OSTM1: variants seen among roughly 807,000 people sequenced by gnomAD.
The protein encoded by OSTM1 is osteoclastogenesis associated transmembrane protein 1.
Under a neutral mutation model 35.4 loss-of-function variants are expected in OSTM1, and 26 were observed. The ratio of observed to expected loss-of-function variants is 0.73; its 90% CI spans 0.54 to 1.02. The LOEUF (loss-of-function observed/expected upper bound fraction) is 1.02. Ranked by LOEUF, OSTM1 falls within the 50% of genes least tolerant of loss-of-function variation. The pLI is 0.00. For synonymous variants in OSTM1, 181 were observed against 165.0 expected (o/e 1.10, Z -0.75); for missense variants, 366 against 409.6 (o/e 0.89, Z 0.92).
At chr6:108,071,519 G>A (rs1772484954) in intron 1 of OSTM1, among the ~76,000 whole-genome samples, 1 of 142,836 alleles carries the variant, frequency 7.0e-6, no homozygotes, top group African/African-American at 2.7e-5. Context: ...CACCATGTTG[G>A]CCAGGCTGGT....
At chr6:108,062,535 C>CT (rs780041339) in intron 2 of OSTM1, among the ~76,000 whole-genome samples, 30,011 of 131,094 alleles carry the variant, frequency 0.23, 3,436 homozygotes, top group Admixed American at 0.39. Context: ...CTTTTCTTTT[C>CT]TTTTTTTTTT....
chr6:108,063,713 T>G (rs986334752), intron 2 of OSTM1, among the ~76,000 whole-genome samples: 2 of 152,224 alleles, frequency 1.3e-5, no homozygotes, highest in Non-Finnish European at 2.9e-5. Flanking sequence ...GACAGATTAC[T>G]GTAAACATCA....
At chr6:108,054,664 C>T in intron 2 of OSTM1, 77 bp from the exon 3 acceptor site, 1 of 710,410 alleles carries the variant, frequency 1.4e-6, no homozygotes. Flanking sequence ...CTTAAGCTAT[C>T]AGCTTCGTTT....
chr6:108,063,314 C>T (rs1236800340), intron 2 of OSTM1, among the ~76,000 whole-genome samples: 1 of 152,162 alleles, frequency 6.6e-6, no homozygotes, highest in Admixed American at 6.5e-5. Context: ...GCCTCACTGG[C>T]GTCATCTCTA....
chr6:108,070,016 C>T (rs763410720), intron 1 of OSTM1, among the ~76,000 whole-genome samples: 10 of 151,970 alleles, frequency 6.6e-5, no homozygotes, highest in Non-Finnish European at 1.5e-4. Context: ...CCCTGATGAA[C>T]CAGCCTTGCT....
intron 1 of OSTM1, among the ~76,000 whole-genome samples, chr6:108,070,009 T>C (rs1699852153): frequency 1.3e-5 from 2 of 152,096 alleles, no homozygotes; most frequent in South Asian, 4.1e-4. Flanking sequence ...AGGTTTCCCC[T>C]GATGAACCAG....
In OSTM1 at chr6:108,049,328, T is replaced by C. The variant is rs1772037167; in HGVS notation, c.874A>G (p.Ile292Val). 1.2e-6 allele frequency: 2 copies of C among 1,613,032 alleles called. No homozygotes were observed. Among genetic ancestry groups the C allele is most frequent in the South Asian group, 2.2e-5 (2 of 91,028 alleles). Residue 292 changes from isoleucine (I) to valine (V), a missense_variant, in exon 5 of 6, where the codon ATT becomes GTT. Physicochemically the swap from Ile to Val is conservative, Grantham distance 29. This residue lies in a region of OSTM1 where 125 missense variants were observed against 151.7 expected (regional missense o/e 0.82). Transcript: ENST00000193322. ...TVPVIAVSVF[I>V]LFLPVVFYLS... ...TAGAAGACAACAGGTAGAAAGAGAA[T>C]GAACACAGAAACAGCAATTACAGGC...
chr6:108,065,111 G>A (rs1006031331), intron 1 of OSTM1, among the ~76,000 whole-genome samples: 2 of 151,934 alleles, frequency 1.3e-5, no homozygotes, highest in Non-Finnish European at 1.5e-5. Flanking sequence ...CATCCACCTC[G>A]GCCTCCCAAA....
intron 1 of OSTM1, among the ~76,000 whole-genome samples, chr6:108,067,894 C>T (rs1772408877): frequency 6.6e-6 from 1 of 150,796 alleles, no homozygotes; most frequent in Non-Finnish European, 1.5e-5. Context: ...TCCCACATTG[C>T]TCTTTAGTGA....
intron 4 of OSTM1, among the ~76,000 whole-genome samples, chr6:108,050,812 TTC>T (rs1330298146): frequency 2.6e-5 from 4 of 152,194 alleles, no homozygotes; most frequent in African/African-American, 7.2e-5. Flanking sequence ...CCTAATTAAT[TTC>T]TGTTTTATTT....
At chr6:108,066,601 A>C (rs1772382705) in intron 1 of OSTM1, among the ~76,000 whole-genome samples, 1 of 152,212 alleles carries the variant, frequency 6.6e-6, no homozygotes, top group Admixed American at 6.5e-5. Context: ...GGTGACACTA[A>C]CAAGAATGAA....
intron 3 of OSTM1, among the ~76,000 whole-genome samples, chr6:108,054,209 C>T (rs1439334338): frequency 1.3e-5 from 2 of 152,142 alleles, no homozygotes; most frequent in Non-Finnish European, 2.9e-5. Context: ...AATCACACAC[C>T]TCAATCAATG....
rs1442642772 is a variant in OSTM1, at chr6:108,049,303, T to G, written c.899A>C (p.Tyr300Ser). The change falls in exon 5 of 6, where the codon TAC becomes TCC. Residue 300 changes from tyrosine to serine, a missense_variant. Around this residue, in one of 3 missense-constraint regions of OSTM1, gnomAD observed 125 missense variants for 151.7 expected, o/e 0.82. Transcript: ENST00000193322. ...VFILFLPVVF[Y>S]LSSFLHSEQK... ...CTCTGAGTGAAGAAAGCTACTAAGG[T>G]AGAAGACAACAGGTAGAAAGAGAAT... is the stretch of plus-strand genomic sequence containing the variant. The G allele has an allele frequency of 1.2e-6, 2 of 1,613,158 alleles. No homozygotes were observed. The highest frequency in any genetic ancestry group is 1.7e-6 in the Non-Finnish European group (2 of 1,179,310).
chr6:108,058,065 T>TC (rs1772199376), intron 2 of OSTM1, among the ~76,000 whole-genome samples: 2 of 146,986 alleles, frequency 1.4e-5, no homozygotes, highest in Middle Eastern at 3.2e-3. Flanking sequence ...TTTTTTTTTT[T>TC]CTGAGACAGA....
In OSTM1 at chr6:108,049,422, G is replaced by A; in HGVS notation, c.784-4C>T. On this transcript the variant is annotated splice_region_variant and splice_polypyrimidine_tract_variant and intron_variant, in intron 4 of 5. Transcript: ENST00000193322. ...ATAGTTTTCGAGTGATGTTCATCTG[G>A]AACAAGAGCAAACAATATCTTTCTA... is the stretch of plus-strand genomic sequence containing the variant. 2 of 1,612,868 alleles carry A rather than the reference G, an allele frequency of 1.2e-6. No individual in the cohort carries two copies. Among genetic ancestry groups the A allele is most frequent in the African/African-American group, 2.7e-5 (2 of 75,004 alleles).
chr6:108,056,178 G>A (rs1376431442), intron 2 of OSTM1, among the ~76,000 whole-genome samples: 1 of 152,152 alleles, frequency 6.6e-6, no homozygotes, highest in East Asian at 1.9e-4. Context: ...TGCTTACACT[G>A]CACTTTAAAC....
intron 1 of OSTM1, among the ~76,000 whole-genome samples, chr6:108,065,078 T>G (rs1772353231): frequency 6.6e-6 from 1 of 151,562 alleles, no homozygotes; most frequent in African/African-American, 2.4e-5. Flanking sequence ...AGGCTGATCT[T>G]GAACTCCTGA....
Position 108,074,608 on chromosome 6 carries a change from G to A in OSTM1, c.44C>T (p.Pro15Leu), listed in dbSNP as rs1364015140. The A allele has an allele frequency of 6.4e-6, 10 of 1,565,792 alleles. No individual in the cohort carries two copies. The African/African-American group carries it at 6.8e-5, about 11-fold the overall frequency. Residue 15 changes from proline to leucine, a missense_variant, in exon 1 of 6, where the codon CCG becomes CTG. By Grantham distance (98) the Pro-to-Leu change is moderately conservative. This residue lies in a region of OSTM1 where 236 missense variants were observed against 239.3 expected (regional missense o/e 0.99). Transcript: ENST00000193322. ...PTAAQRRCSLPPWLPLGLLLW... is the reference protein window; with the variant it reads ...PTAAQRRCSLLPWLPLGLLLW... The stretch of plus-strand genomic sequence containing the variant: ...CAGCAGCCCCAGCGGCAGCCACGGC[G>A]GCAACGAACACCTCCGCTGCGCGGC...
intron 4 of OSTM1, among the ~76,000 whole-genome samples, chr6:108,050,160 T>C (rs373737538): frequency 1.3e-5 from 2 of 152,182 alleles, no homozygotes; most frequent in Non-Finnish European, 2.9e-5. Context: ...CTGTCCTAAA[T>C]ACTGTCCTAA....
Sources: allele counts gnomAD v4.1 joint callset (sites outside exome capture counted in the v4.1 genomes callset), GRCh38; gene constraint gnomAD v4.1.1; regional missense constraint gnomAD v4.1.1; transcripts MANE v1.5; gene names NCBI Gene and HGNC (gene_info 2026-07-23, HGNC 2026-07-21).